CNTNAP2: variants seen among roughly 807,000 people sequenced by gnomAD.
CNTNAP2 encodes the protein contactin-associated protein-like 2.
A neutral mutation model predicts 155.2 loss-of-function variants in CNTNAP2; 98 were observed. The ratio of observed to expected loss-of-function variants is 0.63; its 90% CI spans 0.54 to 0.75. CNTNAP2 has a LOEUF of 0.75. CNTNAP2 is among the 30% of genes least tolerant of loss of function. The pLI is 0.00. For missense variants in CNTNAP2, 1,727 were observed against 1,688.1 expected (o/e 1.02, Z -0.40); for synonymous variants, 651 against 631.2 (o/e 1.03, Z -0.47).
At chr7:148,101,817 C>A (rs1480143847) in intron 15 of CNTNAP2, among the ~76,000 whole-genome samples, 1 of 152,078 alleles carries the variant, frequency 6.6e-6, no homozygotes, top group African/African-American at 2.4e-5. Flanking sequence ...CCCACAGCAC[C>A]ATGCTATGGC....
chr7:147,478,440 A>C (rs1305392343), intron 10 of CNTNAP2, among the ~76,000 whole-genome samples: 1 of 152,194 alleles, frequency 6.6e-6, no homozygotes, highest in East Asian at 1.9e-4. Flanking sequence ...GGTGTGAGCC[A>C]CAGTGCCTGG....
chr7:146,710,360 G>A (rs770555955), intron 1 of CNTNAP2, among the ~76,000 whole-genome samples: 18 of 152,164 alleles, frequency 1.2e-4, no homozygotes, highest in Non-Finnish European at 2.1e-4. Context: ...ACACAGAAAA[G>A]TATAGGACAA....
intron 13 of CNTNAP2, among the ~76,000 whole-genome samples, chr7:147,725,825 C>A (rs913368009): frequency 6.6e-6 from 1 of 152,076 alleles, no homozygotes; most frequent in African/African-American, 2.4e-5. Context: ...TTGAAAAGAT[C>A]ACAGAGCTGC....
At chr7:147,868,601 C>T (rs560836308) in intron 13 of CNTNAP2, among the ~76,000 whole-genome samples, 2 of 152,224 alleles carry the variant, frequency 1.3e-5, no homozygotes, top group Non-Finnish European at 2.9e-5. Context: ...AGGCAGTAGG[C>T]CTTGCTGAGC....
intron 21 of CNTNAP2, among the ~76,000 whole-genome samples, chr7:148,338,346 A>G (rs1248295155): frequency 2.6e-5 from 4 of 152,188 alleles, no homozygotes; most frequent in Non-Finnish European, 4.4e-5. Context: ...ACCTGTGTCT[A>G]TTAGAAAATC....
intron 11 of CNTNAP2, among the ~76,000 whole-genome samples, chr7:147,537,820 A>C (rs999504748): frequency 5.9e-5 from 9 of 152,188 alleles, no homozygotes; most frequent in Non-Finnish European, 2.9e-5. Context: ...TTTGACTCTG[A>C]AAATGGATCT....
chr7:146,495,491 C>G (rs1797200612), intron 1 of CNTNAP2, among the ~76,000 whole-genome samples: 1 of 151,646 alleles, frequency 6.6e-6, no homozygotes, highest in African/African-American at 2.4e-5. Context: ...AGTTTCCTCC[C>G]CTGCAAAATA....
At chr7:146,189,816 G>A (rs1358465955) in intron 1 of CNTNAP2, among the ~76,000 whole-genome samples, 1 of 152,132 alleles carries the variant, frequency 6.6e-6, no homozygotes, top group Non-Finnish European at 1.5e-5. Flanking sequence ...GTAATCATTT[G>A]AAGCCTTATC....
intron 1 of CNTNAP2, among the ~76,000 whole-genome samples, chr7:146,691,821 T>C (rs1187973461): frequency 6.6e-6 from 1 of 152,160 alleles, no homozygotes; most frequent in Non-Finnish European, 1.5e-5. Context: ...TTAAATTGTT[T>C]AACCTGTAAA....
At chr7:147,857,065 A>G (rs2116679103) in intron 13 of CNTNAP2, among the ~76,000 whole-genome samples, 1 of 152,324 alleles carries the variant, frequency 6.6e-6, no homozygotes, top group South Asian at 2.1e-4. Flanking sequence ...CAGAATGATA[A>G]CCATAACCCA....
intron 1 of CNTNAP2, among the ~76,000 whole-genome samples, chr7:146,696,017 G>C (rs73455302): frequency 0.014 from 2,154 of 152,162 alleles, 58 homozygotes; most frequent in African/African-American, 0.05. Flanking sequence ...ACAGATCTTA[G>C]TCTGGATGTG....
intron 4 of CNTNAP2, among the ~76,000 whole-genome samples, chr7:147,053,579 A>G (rs568460316): frequency 1.3e-5 from 2 of 152,232 alleles, no homozygotes; most frequent in East Asian, 3.9e-4. Flanking sequence ...CTGACATATA[A>G]AATCAAGAGT....
intron 1 of CNTNAP2, among the ~76,000 whole-genome samples, chr7:146,541,064 C>T (rs1412803317): frequency 1.3e-5 from 2 of 151,934 alleles, no homozygotes; most frequent in African/African-American, 4.8e-5. Context: ...TCCTTTTAGT[C>T]TCATTTTTTC....
chr7:148,405,057 C>A (rs887648650), intron 22 of CNTNAP2, among the ~76,000 whole-genome samples: 5 of 152,068 alleles, frequency 3.3e-5, no homozygotes, highest in African/African-American at 1.2e-4. Context: ...GAAAACAGGG[C>A]TGTGAATTTC....
intron 1 of CNTNAP2, among the ~76,000 whole-genome samples, chr7:146,688,171 A>G (rs920906895): frequency 2.6e-5 from 4 of 152,148 alleles, no homozygotes; most frequent in Admixed American, 1.3e-4. Context: ...TTTATAAGGA[A>G]GGTACTAATT....
chr7:148,155,910 T>C (rs982210802), intron 17 of CNTNAP2, among the ~76,000 whole-genome samples: 1 of 152,094 alleles, frequency 6.6e-6, no homozygotes, highest in African/African-American at 2.4e-5. Flanking sequence ...CACTGGGTGC[T>C]CCCACAGCTT....
At chr7:147,589,078 G>T (rs1227601794) in intron 12 of CNTNAP2, among the ~76,000 whole-genome samples, 5 of 152,056 alleles carry the variant, frequency 3.3e-5, no homozygotes, top group Non-Finnish European at 7.4e-5. Flanking sequence ...TCCTTGAGCT[G>T]TGAATTGAAA....
At chr7:147,699,270 A>C (rs1269430018) in intron 13 of CNTNAP2, among the ~76,000 whole-genome samples, 1 of 151,682 alleles carries the variant, frequency 6.6e-6, no homozygotes, top group Non-Finnish European at 1.5e-5. Context: ...GATGGCTTTC[A>C]TAAAAAGGAA....
At chr7:146,904,043 C>T (rs977134041) in intron 3 of CNTNAP2, among the ~76,000 whole-genome samples, 19 of 152,042 alleles carry the variant, frequency 1.2e-4, no homozygotes, top group African/African-American at 4.1e-4. Flanking sequence ...AATTAGATAA[C>T]GTTAATTCAA....
Sources: allele counts gnomAD v4.1 joint callset (sites outside exome capture counted in the v4.1 genomes callset), GRCh38; gene constraint gnomAD v4.1.1; transcripts MANE v1.5; gene names NCBI Gene and HGNC (gene_info 2026-07-23, HGNC 2026-07-21).